Variants in CPSF6 observed in about 807,000 individuals in gnomAD.
CPSF6 encodes the protein cleavage and polyadenylation specificity factor subunit 6.
A neutral mutation model predicts 56.7 loss-of-function variants in CPSF6; 10 were observed. The ratio of observed to expected loss-of-function variants is 0.18; its 90% CI spans 0.11 to 0.30. CPSF6 has a LOEUF of 0.30. Ranked by LOEUF, CPSF6 falls within the 10% of genes least tolerant of loss-of-function variation. The pLI, the probability that CPSF6 is intolerant of heterozygous loss-of-function variation, is 1.00. For synonymous variants in CPSF6, 248 were observed against 244.8 expected (o/e 1.01, Z -0.12); for missense variants, 419 against 722.9 (o/e 0.58, Z 4.82).
intron 1 of CPSF6, among the ~76,000 whole-genome samples, chr12:69,248,409 A>G (rs968469807): frequency 1.3e-5 from 2 of 152,168 alleles, no homozygotes; most frequent in Admixed American, 1.3e-4. Flanking sequence ...AATATTAGTA[A>G]TTCTACTTGA....
intron 1 of CPSF6, among the ~76,000 whole-genome samples, chr12:69,250,590 C>CAAAAAAAAAAA (rs61337613): frequency 2.0e-5 from 1 of 48,828 alleles, no homozygotes; most frequent in African/African-American, 5.3e-5. Context: ...CTGGTCTCTA[C>CAAAAAAAAAAA]AAAAAAAAAA....
intron 1 of CPSF6, among the ~76,000 whole-genome samples, chr12:69,247,369 G>GTTT (rs77776712): frequency 1.2e-4 from 17 of 142,104 alleles, no homozygotes; most frequent in Admixed American, 9.8e-4. Context: ...AAATTAGTGA[G>GTTT]TTTTTTTTTT....
At position 69,272,213 on chromosome 12, in the gene CPSF6, A is replaced by G. The variant is rs189373632; in HGVS notation, c.*2705A>G. 3.2e-4 allele frequency: 48 copies of G among 150,748 alleles called. No individual in the cohort carries two copies. Among genetic ancestry groups the G allele is most frequent in the African/African-American group, 9.7e-4 (40 of 41,234 alleles). The allele number at this position is 150,748 out of a possible 1,614,324, so 9.3% of individuals were successfully genotyped here. ...GAGTAAGTTGCAGTGGCTTTTGATC[A>G]TAGTTTAGCCCATTTAATGGTCCTT... On this transcript the variant is annotated 3_prime_UTR_variant, in exon 10 of 10. Transcript: ENST00000435070.
intron 1 of CPSF6, among the ~76,000 whole-genome samples, chr12:69,246,107 C>A (rs887967984): frequency 6.6e-6 from 1 of 152,050 alleles, no homozygotes; most frequent in Non-Finnish European, 1.5e-5. Flanking sequence ...AGATTAATTA[C>A]TTTTAAAAGA....
chr12:69,250,942 G>A (rs940647965), intron 1 of CPSF6, among the ~76,000 whole-genome samples, 187 bp from the exon 2 acceptor site: 5 of 152,020 alleles, frequency 3.3e-5, no homozygotes, highest in African/African-American at 7.3e-5. Context: ...CACCACTCCC[G>A]GCAAGAAATT....
chr12:69,256,606 A>G, intron 3 of CPSF6, 91 bp from the exon 4 acceptor site: 1 of 1,307,370 alleles, frequency 7.6e-7, no homozygotes, highest in Non-Finnish European at 1.1e-6. Flanking sequence ...TGTTTTAGAT[A>G]AAAGCAGATT....
chr12:69,257,658 T>G, intron 4 of CPSF6, 74 bp from the exon 5 acceptor site: 1 of 1,400,146 alleles, frequency 7.1e-7, no homozygotes. Context: ...ATAGAGTTGT[T>G]TTTAATAATA....
chr12:69,249,631 G>A (rs1872128233), intron 1 of CPSF6, among the ~76,000 whole-genome samples: 1 of 152,164 alleles, frequency 6.6e-6, no homozygotes, highest in Non-Finnish European at 1.5e-5. Context: ...ACCAATACAA[G>A]TACTTAGTTG....
chr12:69,265,991 A>C (rs1163088810), intron 9 of CPSF6, among the ~76,000 whole-genome samples: 2 of 149,774 alleles, frequency 1.3e-5, no homozygotes, highest in African/African-American at 2.5e-5. Context: ...GATGCTTTGC[A>C]TTGTGTATTC....
At position 69,272,918 on chromosome 12, in the gene CPSF6, CTT is replaced by C. The variant is rs1467510191; in HGVS notation, c.*3411_*3412del. On this transcript the variant is annotated 3_prime_UTR_variant, in exon 10 of 10. Coordinates refer to ENST00000435070, the MANE Select transcript of CPSF6 (RefSeq NM_007007.3). ...TGTGTATGCGTTTTTTTAACCTTAA[CTT>C]CAGTTTAAACACTGGTGTATTTATT... The C allele has an allele frequency of 3.9e-5, 8 of 204,384 alleles. No individual in the cohort carries two copies. Among genetic ancestry groups the C allele is most frequent in the African/African-American group, 1.4e-4 (6 of 41,952 alleles). 12.7% of individuals were successfully genotyped at this position (204,384 alleles called of 1,614,324 possible).
intron 1 of CPSF6, among the ~76,000 whole-genome samples, chr12:69,249,168 G>GGGGGGGGGGGGGGGGGGGGGGGC (rs1565644117): frequency 3.0e-5 from 1 of 33,872 alleles, no homozygotes; most frequent in Admixed American, 2.8e-4. Context: ...GGGGGGGGGG[G>GGGGGGGGGGGGGGGGGGGGGGGC]GCTGAGGCAG....
chr12:69,243,628 T>C (rs908491884), intron 1 of CPSF6, among the ~76,000 whole-genome samples: 10 of 152,092 alleles, frequency 6.6e-5, no homozygotes, highest in African/African-American at 2.4e-4. Flanking sequence ...AATCTTGATA[T>C]AAAAGATAAA....
chr12:69,264,564 C>T (rs1872886943), intron 9 of CPSF6, among the ~76,000 whole-genome samples: 1 of 152,126 alleles, frequency 6.6e-6, no homozygotes, highest in South Asian at 2.1e-4. Context: ...TGACATTTTT[C>T]TTAATCACTG....
At chr12:69,263,942 CAA>C (rs915273321) in intron 9 of CPSF6, among the ~76,000 whole-genome samples, 1 of 151,946 alleles carries the variant, frequency 6.6e-6, no homozygotes, top group African/African-American at 2.4e-5. Flanking sequence ...ATATAAATCT[CAA>C]AACATTCTTT....
chr12:69,249,466 A>G (rs1479616726), intron 1 of CPSF6, among the ~76,000 whole-genome samples: 2 of 152,092 alleles, frequency 1.3e-5, no homozygotes, highest in Non-Finnish European at 2.9e-5. Flanking sequence ...TAGTCCCTAA[A>G]ACCATTAGCT....
In CPSF6 at chr12:69,270,428, A is replaced by G. The variant is rs995729733; in HGVS notation, c.*920A>G. The G allele has an allele frequency of 6.6e-6, 1 of 152,050 alleles. No homozygotes were observed. Among genetic ancestry groups the G allele is most frequent in the South Asian group, 2.1e-4 (1 of 4,830 alleles). 9.4% of individuals were successfully genotyped at this position (152,050 alleles called of 1,614,324 possible). On this transcript the variant is annotated 3_prime_UTR_variant, in exon 10 of 10. Coordinates refer to ENST00000435070, the MANE Select transcript of CPSF6 (RefSeq NM_007007.3). ...CGCTAACATTGAAGAAATTTTGACA[A>G]TTCCGATTTGATGCTGCAATTACTT...
chr12:69,259,335 T>C (rs1872647829), intron 6 of CPSF6, 93 bp from the exon 7 acceptor site: 1 of 1,456,652 alleles, frequency 6.9e-7, no homozygotes, highest in African/African-American at 1.4e-5. Context: ...AAAGCACATG[T>C]CAGAAGCAGC....
chr12:69,259,627 C>T, intron 7 of CPSF6, 84 bp downstream of exon 7: 1 of 1,101,458 alleles, frequency 9.1e-7, no homozygotes, highest in Non-Finnish European at 1.3e-6. Flanking sequence ...GAAGATAGGT[C>T]ATTTACATGT....
chr12:69,239,768 C>A, intron 1 of CPSF6, 62 bp downstream of exon 1: 1 of 1,471,556 alleles, frequency 6.8e-7, no homozygotes, highest in South Asian at 1.3e-5. Flanking sequence ...GAAGCTGACC[C>A]GGGGCCCGCT....
Sources: allele counts gnomAD v4.1 joint callset (sites outside exome capture counted in the v4.1 genomes callset), GRCh38; gene constraint gnomAD v4.1.1; transcripts MANE v1.5; gene names NCBI Gene and HGNC (gene_info 2026-07-23, HGNC 2026-07-21).